Variants in USP12 observed in about 807,000 individuals in gnomAD.
USP12 encodes the protein ubiquitin carboxyl-terminal hydrolase 12.
In USP12, 19 loss-of-function variants were observed where a neutral mutation model predicts 45.5. The observed-to-expected ratio is 0.42, with a 90% CI of 0.29 to 0.61. The LOEUF is 0.61. USP12 is among the 20% of genes least tolerant of loss of function. The pLI is 0.22. For synonymous variants in USP12, 149 were observed against 148.8 expected (o/e 1.00, Z -0.01); for missense variants, 242 against 447.7 (o/e 0.54, Z 4.15).
At chr13:27,138,518 G>T (rs1424270214) in intron 1 of USP12, among the ~76,000 whole-genome samples, 1 of 152,120 alleles carries the variant, frequency 6.6e-6, no homozygotes. Context: ...ACATGCCTCA[G>T]ACTTTCTTAG....
intron 3 of USP12, among the ~76,000 whole-genome samples, chr13:27,102,057 G>A (rs1427821744): frequency 1.3e-5 from 2 of 151,110 alleles, no homozygotes; most frequent in Non-Finnish European, 3.0e-5. Flanking sequence ...AATAGGGATT[G>A]AAACAACTAA....
At chr13:27,165,179 A>T (rs968305964) in intron 1 of USP12, among the ~76,000 whole-genome samples, 1 of 152,110 alleles carries the variant, frequency 6.6e-6, no homozygotes, top group African/African-American at 2.4e-5. Flanking sequence ...AATATGTTTG[A>T]GAATGTCACA....
intron 2 of USP12, among the ~76,000 whole-genome samples, chr13:27,111,976 T>C (rs1875469637): frequency 6.6e-6 from 1 of 152,216 alleles, no homozygotes; most frequent in Non-Finnish European, 1.5e-5. Flanking sequence ...TACCTACCTT[T>C]ACTTTTTAAA....
intron 6 of USP12, among the ~76,000 whole-genome samples, chr13:27,080,227 TG>T (rs540846268): frequency 1.3e-4 from 20 of 152,118 alleles, no homozygotes; most frequent in Non-Finnish European, 2.1e-4. Flanking sequence ...AAGACTTGCA[TG>T]GGGGTGTGTG....
chr13:27,139,769 A>G (rs1381408501), intron 1 of USP12, among the ~76,000 whole-genome samples: 1 of 152,246 alleles, frequency 6.6e-6, no homozygotes, highest in Non-Finnish European at 1.5e-5. Context: ...GTACTCACCT[A>G]GACTGATTCA....
chr13:27,105,662 T>C, intron 3 of USP12, 69 bp downstream of exon 3: 1 of 1,428,952 alleles, frequency 7.0e-7, no homozygotes, highest in South Asian at 1.2e-5. Context: ...GCTCAGTAAG[T>C]GCTGGAATTA....
At chr13:27,111,500 C>T (rs1387556671) in intron 2 of USP12, among the ~76,000 whole-genome samples, 1 of 152,086 alleles carries the variant, frequency 6.6e-6, no homozygotes, top group Non-Finnish European at 1.5e-5. Context: ...TTAAAAGTTG[C>T]CACCCTACTC....
At chr13:27,069,521 C>T (rs570936669) in intron 8 of USP12, 137 bp from the exon 9 acceptor site, 129 of 662,238 alleles carry the variant, frequency 1.9e-4, no homozygotes, top group Admixed American at 1.7e-3. Context: ...GCTGGCAGGG[C>T]ACACCAAAAA....
chr13:27,159,122 G>C (rs1377682663), intron 1 of USP12, among the ~76,000 whole-genome samples: 1 of 152,012 alleles, frequency 6.6e-6, no homozygotes, highest in East Asian at 1.9e-4. Context: ...AATAGTAAGT[G>C]GTTTGGTTTT....
intron 3 of USP12, among the ~76,000 whole-genome samples, chr13:27,100,297 T>G (rs1874807441): frequency 6.6e-6 from 1 of 152,208 alleles, no homozygotes; most frequent in Admixed American, 6.5e-5. Context: ...TTATTGCACC[T>G]TATTTCCTTT....
intron 4 of USP12, among the ~76,000 whole-genome samples, chr13:27,094,042 T>C (rs939647491): frequency 3.9e-5 from 6 of 152,102 alleles, no homozygotes; most frequent in Admixed American, 3.9e-4. Flanking sequence ...TCCAATGTTA[T>C]TAAAAACTAG....
rs758632152 is a variant in USP12, at chr13:27,095,727, T to C, written c.447A>G (p.Gln149=). The change falls in exon 4 of 9, where the codon CAA becomes CAG. Residue 149 remains glutamine (Q), a synonymous_variant. Transcript: ENST00000282344. ...TATTACCATTAGGTAAACGACCATT[T>C]TGTTTTTCCTGCTTTCTCTCTTCTT... ...ILQEERKQEK[Q]NGRLPNGNID... 4.3e-6 allele frequency: 7 copies of C among 1,613,256 alleles called. No homozygotes were observed. The African/African-American group carries it at 8.0e-5, about 18-fold the overall frequency.
chr13:27,106,396 G>A (rs1357492365), intron 2 of USP12, among the ~76,000 whole-genome samples: 2 of 141,898 alleles, frequency 1.4e-5, no homozygotes, highest in East Asian at 2.3e-4. Flanking sequence ...TAATTGGGGC[G>A]AGACGGGGGA....
At chr13:27,078,765 A>G (rs943841839) in intron 6 of USP12, among the ~76,000 whole-genome samples, 4 of 152,106 alleles carry the variant, frequency 2.6e-5, no homozygotes, top group South Asian at 2.1e-4. Flanking sequence ...ACAAGTGCAT[A>G]ATCAGAATTG....
intron 1 of USP12, chr13:27,162,706 G>T (rs1878164853): frequency 6.6e-6 from 1 of 152,098 alleles, no homozygotes; most frequent in Non-Finnish European, 1.5e-5. Flanking sequence ...GCAATATTTT[G>T]TTTTTTATCC....
chr13:27,118,674 C>A (rs1024701773), intron 1 of USP12, among the ~76,000 whole-genome samples: 6 of 152,080 alleles, frequency 3.9e-5, no homozygotes, highest in African/African-American at 1.4e-4. Context: ...TCCTTTCCCC[C>A]GACCAAAACA....
intron 3 of USP12, among the ~76,000 whole-genome samples, chr13:27,099,267 T>C (rs537390801): frequency 6.6e-6 from 1 of 152,054 alleles, no homozygotes; most frequent in Non-Finnish European, 1.5e-5. Context: ...AATGTATGCA[T>C]GTATTATTTG....
chr13:27,090,297 A>G (rs1874251991), intron 4 of USP12, 139 bp from the exon 5 acceptor site: 1 of 631,496 alleles, frequency 1.6e-6, no homozygotes, highest in African/African-American at 1.8e-5. Flanking sequence ...GAACTACTTA[A>G]TTTGGATTAT....
Position 27,095,840 on chromosome 13 carries a change from A to C in USP12, c.344-10T>G. The C allele has an allele frequency of 1.3e-6, 2 of 1,566,948 alleles. No individual in the cohort carries two copies. The highest frequency in any genetic ancestry group is 1.2e-5 in the South Asian group (1 of 82,604). On this transcript the variant is annotated splice_polypyrimidine_tract_variant and intron_variant, in intron 3 of 8. Coordinates refer to ENST00000282344, the MANE Select transcript of USP12 (RefSeq NM_182488.4). Reference sequence around the variant, plus strand: ...TAGTTGTCAAAAAGCTCTGAAAATAAAAACATTATATTAGAGAATTATTTC... The same window carrying C: ...TAGTTGTCAAAAAGCTCTGAAAATACAAACATTATATTAGAGAATTATTTC...
Sources: allele counts gnomAD v4.1 joint callset (sites outside exome capture counted in the v4.1 genomes callset), GRCh38; gene constraint gnomAD v4.1.1; transcripts MANE v1.5; gene names NCBI Gene and HGNC (gene_info 2026-07-23, HGNC 2026-07-21).